Variants in PPM1D observed in about 807,000 individuals in gnomAD.
The protein encoded by PPM1D is protein phosphatase 1D.
PPM1D carries 52 observed loss-of-function variants against 58.3 expected under a neutral mutation model. That is an observed-to-expected ratio of 0.89 (90% CI 0.71 to 1.12). The LOEUF (loss-of-function observed/expected upper bound fraction) is 1.12, where lower values mean the gene tolerates loss of function less well. Ranked by LOEUF, PPM1D falls within the 50% of genes most tolerant of loss-of-function variation. The probability of loss-of-function intolerance (pLI) is 0.00; values close to 1 mark genes in which losing one functional copy is unlikely to be tolerated. For missense variants in PPM1D, 564 were observed against 777.2 expected (o/e 0.73, Z 3.26); for synonymous variants, 278 against 285.1 (o/e 0.98, Z 0.25).
chr17:60,648,506 T>C (rs1017658802), intron 4 of PPM1D, among the ~76,000 whole-genome samples: 3 of 150,912 alleles, frequency 2.0e-5, no homozygotes, highest in South Asian at 4.3e-4. Context: ...TGCCTCAGCC[T>C]CCTGAGTAGC....
chr17:60,649,054 C>T (rs1053161152), intron 4 of PPM1D, among the ~76,000 whole-genome samples: 6 of 152,006 alleles, frequency 3.9e-5, no homozygotes, highest in Admixed American at 1.3e-4. Context: ...CCACCGCACC[C>T]GGCCTCCATC....
rs1448070528 is a variant in PPM1D, at chr17:60,633,371, TCC to T, written c.702-481_702-480del. Among the ~76,000 whole-genome samples the T allele has an allele frequency of 2.6e-5, 4 of 152,168 alleles. No individual in the cohort carries two copies. In the East Asian group the frequency reaches 7.7e-4, roughly 29 times the overall value. ...TAAACACTCAGAACCCTATAACCTT[TCC>T]TTTTTAATTGCTTATATCACAATTT... is the stretch of plus-strand genomic sequence containing the variant. On this transcript the variant is annotated intron_variant, in intron 2 of 5. Transcript: ENST00000305921.
intron 4 of PPM1D, among the ~76,000 whole-genome samples, chr17:60,656,378 G>A (rs575139275): frequency 1.1e-4 from 16 of 151,492 alleles, no homozygotes; most frequent in South Asian, 2.1e-4. Context: ...GCATGAACCC[G>A]GGAGGCAGAG....
At position 60,656,841 on chromosome 17, in the gene PPM1D, G is replaced by C; in HGVS notation, c.1260G>C (p.Lys420Asn). 2.5e-6 allele frequency: 4 copies of C among 1,613,916 alleles called. No individual in the cohort carries two copies. Among genetic ancestry groups the C allele is most frequent in the Non-Finnish European group, 3.4e-6 (4 of 1,179,908 alleles). Residue 420 changes from lysine to asparagine, a missense_variant and splice_region_variant, in exon 5 of 6, where the codon AAG becomes AAC. Around this residue, in one of 7 missense-constraint regions of PPM1D, gnomAD observed 261 missense variants for 270.1 expected, o/e 0.97. Coordinates refer to ENST00000305921, the MANE Select transcript of PPM1D (RefSeq NM_003620.4). ...CCCCATGTTCTACACCACCAGTCAA[G>C]GTATATAGTTCCATAGTTTTTAAGT... ...TPSPCSTPPV[K>N]SLEEDPWPRV...
At chr17:60,632,294 A>G (rs1374061552) in intron 2 of PPM1D, among the ~76,000 whole-genome samples, 5 of 152,238 alleles carry the variant, frequency 3.3e-5, no homozygotes, top group Non-Finnish European at 7.3e-5. Flanking sequence ...GTAACTCCCA[A>G]ATCTATATGT....
At chr17:60,630,667 A>G (rs1176157912) in intron 2 of PPM1D, among the ~76,000 whole-genome samples, 5 of 152,138 alleles carry the variant, frequency 3.3e-5, no homozygotes, top group Non-Finnish European at 5.9e-5. Flanking sequence ...AGATGTTGAA[A>G]CTTCTATGTT....
At chr17:60,652,833 T>C (rs555740714) in intron 4 of PPM1D, among the ~76,000 whole-genome samples, 1 of 152,298 alleles carries the variant, frequency 6.6e-6, no homozygotes, top group South Asian at 2.1e-4. Context: ...TTTAGATCTT[T>C]TGCCCATTTT....
chr17:60,608,614 A>G (rs2030382628), intron 1 of PPM1D, among the ~76,000 whole-genome samples: 2 of 152,158 alleles, frequency 1.3e-5, no homozygotes, highest in Non-Finnish European at 1.5e-5. Context: ...TAAATAAAAT[A>G]ATAAAACATT....
At chr17:60,625,162 T>A (rs2030782820) in intron 2 of PPM1D, among the ~76,000 whole-genome samples, 2 of 151,482 alleles carry the variant, frequency 1.3e-5, no homozygotes, top group African/African-American at 4.9e-5. Context: ...AAAAATAAAA[T>A]AAAATAAAGT....
At chr17:60,655,391 C>T (rs553472397) in intron 4 of PPM1D, among the ~76,000 whole-genome samples, 20 of 152,348 alleles carry the variant, frequency 1.3e-4, no homozygotes, top group Non-Finnish European at 2.5e-4. Flanking sequence ...CTCTGTCGCC[C>T]AGGCGGGAGT....
intron 3 of PPM1D, among the ~76,000 whole-genome samples, chr17:60,643,177 C>T (rs761859926): frequency 3.7e-4 from 57 of 152,008 alleles, no homozygotes; most frequent in Non-Finnish European, 7.4e-4. Flanking sequence ...CTCAGGAGTT[C>T]GAGATCAGCC....
intron 3 of PPM1D, among the ~76,000 whole-genome samples, chr17:60,640,465 T>TA (rs1420534915): frequency 1.3e-5 from 2 of 152,236 alleles, no homozygotes; most frequent in African/African-American, 4.8e-5. Context: ...TCATTGATGT[T>TA]ACGTACGGTT....
At chr17:60,642,352 AT>A (rs760188816) in intron 3 of PPM1D, among the ~76,000 whole-genome samples, 6,121 of 124,824 alleles carry the variant, frequency 0.049, 155 homozygotes, top group Non-Finnish European at 0.07. Flanking sequence ...AGAAGAATGG[AT>A]TTTTTTTTTT....
chr17:60,622,018 T>G (rs895896272), intron 1 of PPM1D, among the ~76,000 whole-genome samples: 2 of 151,200 alleles, frequency 1.3e-5, no homozygotes, highest in African/African-American at 4.9e-5. Flanking sequence ...AAACCCCGTC[T>G]CTACTAAAAA....
At chr17:60,621,508 C>T (rs2030701385) in intron 1 of PPM1D, among the ~76,000 whole-genome samples, 1 of 152,042 alleles carries the variant, frequency 6.6e-6, no homozygotes, top group Admixed American at 6.6e-5. Flanking sequence ...GATTCTCCCA[C>T]CTCAGCCTCC....
intron 3 of PPM1D, among the ~76,000 whole-genome samples, chr17:60,639,587 G>A (rs778254025): frequency 1.3e-5 from 2 of 152,110 alleles, no homozygotes; most frequent in East Asian, 1.9e-4. Context: ...ACAGGCGCAC[G>A]CCACTGCACC....
At chr17:60,662,959 A>T in intron 5 of PPM1D, 36 bp from the exon 6 acceptor site, 1 of 1,543,778 alleles carries the variant, frequency 6.5e-7, no homozygotes, top group African/African-American at 1.4e-5. Flanking sequence ...TCTGGGATAA[A>T]TTTTTTCTTA....
chr17:60,642,352 A>ATTTTTTTTTTTTTTTTTTTTTTTTT (rs760188816), intron 3 of PPM1D, among the ~76,000 whole-genome samples: 1 of 124,874 alleles, frequency 8.0e-6, no homozygotes, highest in African/African-American at 3.1e-5. Flanking sequence ...AGAAGAATGG[A>ATTTTTTTTTTTTTTTTTTTTTTTTT]TTTTTTTTTT....
At position 60,656,666 on chromosome 17, in the gene PPM1D, T is replaced by C; in HGVS notation, c.1085T>C (p.Met362Thr). The C allele has an allele frequency of 6.2e-7, 1 of 1,614,196 alleles. No homozygotes were observed. The highest frequency in any genetic ancestry group is 8.5e-7 in the Non-Finnish European group (1 of 1,180,046). The change falls in exon 5 of 6, where the codon ATG (methionine) becomes ACG (threonine). Residue 362 changes from methionine to threonine, a missense_variant. Coordinates refer to ENST00000305921, the MANE Select transcript of PPM1D (RefSeq NM_003620.4). ...NRALGRWRQR[M>T]LRADNTSAIV... ...GCATTGGGCCGCTGGAGGCAGCGTA[T>C]GCTCCGAGCAGATAACACTAGTGCC...
Sources: allele counts gnomAD v4.1 joint callset (sites outside exome capture counted in the v4.1 genomes callset), GRCh38; gene constraint gnomAD v4.1.1; regional missense constraint gnomAD v4.1.1; transcripts MANE v1.5; gene names NCBI Gene and HGNC (gene_info 2026-07-23, HGNC 2026-07-21).